RARB: variants seen among roughly 807,000 people sequenced by gnomAD.
RARB encodes HBV-activated protein.
RARB carries 17 observed loss-of-function variants against 51.9 expected under a neutral mutation model. The ratio of observed to expected loss-of-function variants is 0.33; its 90% CI spans 0.22 to 0.49. RARB has a LOEUF of 0.49. RARB is among the 20% of genes least tolerant of loss of function. RARB has a pLI of 0.99. For synonymous variants in RARB, 215 were observed against 195.4 expected, an observed-to-expected ratio of 1.10 and a Z score of -0.84; for missense variants, 369 against 550.8, an observed-to-expected ratio of 0.67 and a Z score of 3.30.
chr3:25,436,505 ATTAT>A (rs1352889376), intron 1 of RARB, among the ~76,000 whole-genome samples: 4 of 152,160 alleles, frequency 2.6e-5, no homozygotes, highest in Admixed American at 2.0e-4. Context: ...GTGCTTAGAG[ATTAT>A]TTATTGAAAG....
At chr3:24,978,973 A>G (rs912218910) in intron 2 of RARB, among the ~76,000 whole-genome samples, 1 of 152,100 alleles carries the variant, frequency 6.6e-6, no homozygotes, top group African/African-American at 2.4e-5. Flanking sequence ...ATTGGTTTCA[A>G]AGAACATCTT....
chr3:25,317,415 A>G (rs1704456098), intron 5 of RARB, among the ~76,000 whole-genome samples: 1 of 152,204 alleles, frequency 6.6e-6, no homozygotes, highest in Non-Finnish European at 1.5e-5. Flanking sequence ...GCTATCTCAG[A>G]TTGACACAGC....
chr3:25,199,808 G>A (rs981019861), intron 5 of RARB, among the ~76,000 whole-genome samples: 12 of 152,276 alleles, frequency 7.9e-5, no homozygotes, highest in Middle Eastern at 3.4e-3. Context: ...GTATTCCACC[G>A]TGTATATGTG....
intron 2 of RARB, among the ~76,000 whole-genome samples, chr3:25,008,567 C>T (rs926586470): frequency 1.3e-5 from 2 of 152,048 alleles, no homozygotes; most frequent in Non-Finnish European, 2.9e-5. Flanking sequence ...AAATATTGGG[C>T]TCACCTCAGT....
At chr3:25,522,205 A>T (rs1043534078) in intron 3 of RARB, among the ~76,000 whole-genome samples, 8 of 152,084 alleles carry the variant, frequency 5.3e-5, no homozygotes, top group African/African-American at 1.9e-4. Flanking sequence ...AGTTGTAATT[A>T]TCCACTTTAC....
chr3:24,915,718 C>T (rs528753861), intron 2 of RARB, among the ~76,000 whole-genome samples: 2 of 152,256 alleles, frequency 1.3e-5, no homozygotes, highest in African/African-American at 4.8e-5. Flanking sequence ...TGATATGTGA[C>T]ATGAGGTGAC....
intron 3 of RARB, among the ~76,000 whole-genome samples, chr3:25,525,582 C>A (rs1698611830): frequency 6.6e-6 from 1 of 152,086 alleles, no homozygotes; most frequent in Non-Finnish European, 1.5e-5. Context: ...TTATTGTGTG[C>A]TGTTTTGGAT....
At chr3:25,380,026 G>A (rs1387997338) in intron 5 of RARB, among the ~76,000 whole-genome samples, 5 of 152,144 alleles carry the variant, frequency 3.3e-5, no homozygotes, top group Non-Finnish European at 1.5e-5. Context: ...ATTCATGTTG[G>A]ACTGGATAAG....
intron 1 of RARB, among the ~76,000 whole-genome samples, chr3:24,832,864 T>C (rs1396536632): frequency 6.6e-6 from 1 of 151,892 alleles, no homozygotes. Context: ...ATGAGAGAAA[T>C]AACACTTCCC....
chr3:24,913,829 A>G (rs1251574691), intron 2 of RARB, among the ~76,000 whole-genome samples: 1 of 152,224 alleles, frequency 6.6e-6, no homozygotes, highest in African/African-American at 2.4e-5. Flanking sequence ...TAAAAGCAAC[A>G]TAAAAGTGGA....
chr3:25,488,967 A>T (rs1446942859), intron 2 of RARB, among the ~76,000 whole-genome samples: 1 of 152,184 alleles, frequency 6.6e-6, no homozygotes, highest in Non-Finnish European at 1.5e-5. Context: ...TCTTTTTATC[A>T]ACTAAAGTCA....
intron 2 of RARB, among the ~76,000 whole-genome samples, chr3:25,016,941 G>A (rs1386049295): frequency 6.6e-6 from 1 of 152,136 alleles, no homozygotes; most frequent in Non-Finnish European, 1.5e-5. Context: ...CATTTTAAAA[G>A]ATTTTAGGAG....
At chr3:25,216,911 C>G (rs568298063) in intron 5 of RARB, among the ~76,000 whole-genome samples, 2 of 152,184 alleles carry the variant, frequency 1.3e-5, no homozygotes, top group African/African-American at 4.8e-5. Flanking sequence ...CATTCCCACA[C>G]TGTAGAGTCC....
chr3:24,908,679 T>G (rs957400501), intron 2 of RARB, among the ~76,000 whole-genome samples: 8 of 147,674 alleles, frequency 5.4e-5, no homozygotes, highest in African/African-American at 2.0e-4. Context: ...TTTTTTTTTT[T>G]TTTTTTTTTA....
intron 2 of RARB, among the ~76,000 whole-genome samples, chr3:24,908,921 T>C (rs957724342): frequency 1.3e-5 from 2 of 152,170 alleles, no homozygotes; most frequent in Admixed American, 6.5e-5. Flanking sequence ...CATATTCAAC[T>C]CCCCGTAATG....
At chr3:24,980,069 T>C (rs1696609319) in intron 2 of RARB, among the ~76,000 whole-genome samples, 1 of 152,214 alleles carries the variant, frequency 6.6e-6, no homozygotes, top group Admixed American at 6.5e-5. Flanking sequence ...TTGAAAATTC[T>C]TTTCTTTAAG....
chr3:25,427,440 G>C (rs952958673), upstream of RARB, among the ~76,000 whole-genome samples: 1 of 152,160 alleles, frequency 6.6e-6, no homozygotes, highest in African/African-American at 2.4e-5. Flanking sequence ...GCTGGTAAGT[G>C]GCAGACCTGG....
Position 24,941,348 on chromosome 3 carries a change from G to A in RARB, c.-380+82596G>A, listed in dbSNP as rs577026365. 2.6e-5 allele frequency among the ~76,000 whole-genome samples: 4 copies of A among 151,956 alleles called. No individual in the cohort carries two copies. In the South Asian group the frequency reaches 8.3e-4, roughly 32 times the overall value. On this transcript the variant is annotated intron_variant, in intron 2 of 11. Transcript: ENST00000383772. ...TTAAATGATATTTTAATGCAAAAAT[G>A]TGAGACAATCAGAATAAAAGGCAGT...
chr3:25,055,218 C>A (rs571000561), intron 2 of RARB, among the ~76,000 whole-genome samples: 3 of 152,212 alleles, frequency 2.0e-5, no homozygotes, highest in African/African-American at 7.2e-5. Context: ...GTAAATTAAT[C>A]CTGTCATTTG....
Sources: gnomAD v4.1 joint callset for allele counts (sites outside exome capture counted in the v4.1 genomes callset) on GRCh38, gnomAD v4.1.1 for gene constraint, MANE v1.5 for transcripts, NCBI Gene and HGNC (gene_info 2026-07-23, HGNC 2026-07-21) for gene names.